TPTE2: variants seen among roughly 807,000 people sequenced by gnomAD.
The protein encoded by TPTE2 is transmembrane phosphoinositide 3-phosphatase and tensin homolog 2.
Under a neutral mutation model 78.6 loss-of-function variants are expected in TPTE2, and 53 were observed. The ratio of observed to expected loss-of-function variants is 0.67; its 90% CI spans 0.54 to 0.85. TPTE2 has a LOEUF of 0.85. Ranked by LOEUF, TPTE2 falls within the 40% of genes least tolerant of loss-of-function variation. The pLI, the probability that TPTE2 is intolerant of heterozygous loss-of-function variation, is 0.00. For missense variants in TPTE2, 461 were observed against 623.0 expected, an observed-to-expected ratio of 0.74 and a Z score of 2.77; for synonymous variants, 175 against 206.2, an observed-to-expected ratio of 0.85 and a Z score of 1.30.
chr13:19,516,429 T>A lies in TPTE2; in HGVS notation c.-43-13152A>T, dbSNP rs114188264. Among the ~76,000 whole-genome samples the A allele has an allele frequency of 2.2e-3, 331 of 152,274 alleles. 1 individual carries two copies. The highest frequency in any genetic ancestry group is 7.9e-3 in the African/African-American group (327 of 41,550). On this transcript the variant is annotated intron_variant, in intron 1 of 17. Transcript: ENST00000390680. Reference sequence around the variant, plus strand: ...TCATATGAGGATCAAGCATTGGGTGTCATCTCTAAATATGAGGCCACCACC... The same window carrying A: ...TCATATGAGGATCAAGCATTGGGTGACATCTCTAAATATGAGGCCACCACC...
intron 1 of TPTE2, among the ~76,000 whole-genome samples, chr13:19,533,720 A>G (rs2137751734): frequency 6.6e-6 from 1 of 152,360 alleles, no homozygotes; most frequent in East Asian, 1.9e-4. Flanking sequence ...ATAGATTGTT[A>G]TGTTGTCATG....
chr13:19,449,276 C>A (rs541906030), intron 13 of TPTE2, among the ~76,000 whole-genome samples: 1 of 152,116 alleles, frequency 6.6e-6, no homozygotes, highest in African/African-American at 2.4e-5. Context: ...CAGGTTCAAG[C>A]GATTCTTCTG....
chr13:19,505,029 G>T (rs772488030), upstream of TPTE2, among the ~76,000 whole-genome samples: 2 of 152,118 alleles, frequency 1.3e-5, no homozygotes, highest in African/African-American at 4.8e-5. Flanking sequence ...AAAGTAGATA[G>T]TTGGACACAC....
chr13:19,451,350 T>A, intron 10 of TPTE2, 125 bp from the exon 14 acceptor site: 1 of 1,208,980 alleles, frequency 8.3e-7, no homozygotes, highest in South Asian at 1.4e-5. Context: ...CTAGGGGAGA[T>A]TCAGGGAATA....
At chr13:19,446,457 G>GA (rs897566699) in intron 13 of TPTE2, among the ~76,000 whole-genome samples, 18 of 151,754 alleles carry the variant, frequency 1.2e-4, no homozygotes, top group Admixed American at 2.0e-4. Flanking sequence ...CTATCTATAT[G>GA]AAAAAAAATA....
At chr13:19,532,718 C>T (rs1260493887) in intron 1 of TPTE2, among the ~76,000 whole-genome samples, 2 of 152,230 alleles carry the variant, frequency 1.3e-5, no homozygotes, top group African/African-American at 2.4e-5. Context: ...ATGTTGCCTT[C>T]ATCCATTCTT....
chr13:19,502,941 G>A (rs897874464), intron 1 of TPTE2, among the ~76,000 whole-genome samples: 4 of 151,344 alleles, frequency 2.6e-5, no homozygotes, highest in Non-Finnish European at 4.4e-5. Flanking sequence ...CTTTTCCTAT[G>A]ACTCCATTAG....
At chr13:19,436,143 G>C in intron 15 of TPTE2, 83 bp downstream of exon 18, 3 of 1,145,770 alleles carry the variant, frequency 2.6e-6, no homozygotes, top group Non-Finnish European at 3.7e-6. Flanking sequence ...CAAAGGAGAA[G>C]AGTCTAAAAT....
chr13:19,445,187 T>C (rs1426768429), intron 13 of TPTE2, among the ~76,000 whole-genome samples: 4 of 152,110 alleles, frequency 2.6e-5, no homozygotes, highest in Admixed American at 6.5e-5. Context: ...AAAAGCTTTC[T>C]TGAAATACAT....
intron 1 of TPTE2, among the ~76,000 whole-genome samples, chr13:19,496,567 G>A (rs1422250468): frequency 6.6e-6 from 1 of 152,192 alleles, no homozygotes; most frequent in Non-Finnish European, 1.5e-5. Context: ...CTGTGCTTGT[G>A]TTTGTGTTTT....
At chr13:19,497,734 G>C (rs1000353241) in intron 1 of TPTE2, among the ~76,000 whole-genome samples, 12 of 151,604 alleles carry the variant, frequency 7.9e-5, no homozygotes, top group African/African-American at 2.9e-4. Flanking sequence ...ACTCTAGAAA[G>C]CAGAGCGCCT....
At chr13:19,538,320 A>T (rs1420294729), upstream of TPTE2, among the ~76,000 whole-genome samples, 2 of 151,666 alleles carry the variant, frequency 1.3e-5, no homozygotes, top group African/African-American at 2.4e-5. Flanking sequence ...TCCCGGGTTC[A>T]CGCCATTCTC....
intron 1 of TPTE2, among the ~76,000 whole-genome samples, chr13:19,501,527 A>C (rs1237915989): frequency 1.4e-5 from 2 of 147,640 alleles, no homozygotes; most frequent in African/African-American, 5.0e-5. Context: ...TCTTTGACAA[A>C]CCTGAGAAAA....
the TPTE2 span, among the ~76,000 whole-genome samples, chr13:19,552,031 C>G: frequency 6.6e-6 from 1 of 152,264 alleles, no homozygotes; most frequent in East Asian, 1.9e-4. Flanking sequence ...AAAAACTACC[C>G]AGTGAAGTAG....
chr13:19,521,051 A>G, intron 1 of TPTE2, among the ~76,000 whole-genome samples: 1 of 152,010 alleles, frequency 6.6e-6, no homozygotes, highest in Non-Finnish European at 1.5e-5. Context: ...GCACTTATAA[A>G]GACTGTATAC....
chr13:19,517,606 G>C (rs1434074336), intron 1 of TPTE2, among the ~76,000 whole-genome samples: 1 of 152,184 alleles, frequency 6.6e-6, no homozygotes, highest in Non-Finnish European at 1.5e-5. Context: ...TTAGCCAACA[G>C]AGAGGGCAGA....
exon 10 of TPTE2, chr13:19,464,472 T>C (rs551982045): frequency 3.7e-6 from 6 of 1,612,918 alleles, no homozygotes; most frequent in East Asian, 2.2e-5. Flanking sequence ...TGGATTTCTA[T>C]AGAAAGACTG....
rs180749063 is a variant in TPTE2 at position 19,467,427 on chromosome 13, C to T, written c.393-83G>A. The stretch of plus-strand genomic sequence containing the variant: ...ATATTTAAAGACCACAAACTACTGA[C>T]TCATCCCCATTAAGAATTCTACTAT... On this transcript the variant is annotated intron_variant, in intron 6 of 19. Transcript: ENST00000400230. 9.4e-3 allele frequency: 10,080 copies of T among 1,072,482 alleles called. 252 individuals carry two copies. Among genetic ancestry groups the T allele is most frequent in the African/African-American group, 0.073 (4,378 of 59,956 alleles). The allele number at this position is 1,072,482 out of a possible 1,614,324, so 66.4% of individuals were successfully genotyped here.
intron 7 of TPTE2, among the ~76,000 whole-genome samples, chr13:19,466,461 C>T (rs1879274671): frequency 6.6e-6 from 1 of 152,190 alleles, no homozygotes; most frequent in Non-Finnish European, 1.5e-5. Flanking sequence ...CATGAACAAG[C>T]TTAGGAAGCC....
Sources: gnomAD v4.1 joint callset for allele counts (sites outside exome capture counted in the v4.1 genomes callset) on GRCh38, gnomAD v4.1.1 for gene constraint, MANE v1.5 for transcripts, NCBI Gene and HGNC (gene_info 2026-07-23, HGNC 2026-07-21) for gene names.